GALNT13: variants seen among roughly 807,000 people sequenced by gnomAD.
GALNT13 encodes the protein polypeptide N-acetylgalactosaminyltransferase 13, also known as UDP-GalNAc:polypeptide N-acetylgalactosaminyltransferase 13.
A neutral mutation model predicts 64.2 loss-of-function variants in GALNT13; 28 were observed. The ratio of observed to expected loss-of-function variants is 0.44; its 90% confidence interval spans 0.32 to 0.60. The LOEUF (loss-of-function observed/expected upper bound fraction) is 0.60, where lower values mean the gene tolerates loss of function less well. Ranked by LOEUF, GALNT13 falls within the 20% of genes least tolerant of loss-of-function variation. GALNT13 has a pLI of 0.05. For missense variants in GALNT13, 577 were observed against 669.8 expected (o/e 0.86, Z 1.53); for synonymous variants, 214 against 224.6 (o/e 0.95, Z 0.42).
At chr2:153,984,168 T>C (rs866958323) in intron 3 of GALNT13, among the ~76,000 whole-genome samples, 1 of 151,850 alleles carries the variant, frequency 6.6e-6, no homozygotes, top group Admixed American at 6.6e-5. Flanking sequence ...TACAATAATA[T>C]AATCTGTTTT....
At chr2:153,834,362 A>T in the GALNT13 span, among the ~76,000 whole-genome samples, 4 of 152,180 alleles carry the variant, frequency 2.6e-5, no homozygotes, top group Non-Finnish European at 5.9e-5. Flanking sequence ...GCTCTTCTCT[A>T]AAATATGCCA....
At chr2:153,823,662 A>C in the GALNT13 span, among the ~76,000 whole-genome samples, 3 of 152,248 alleles carry the variant, frequency 2.0e-5, no homozygotes, top group African/African-American at 7.2e-5. Context: ...CCACTGTAAA[A>C]ACATTTTGAG....
At chr2:153,430,414 CAT>C in the GALNT13 span, among the ~76,000 whole-genome samples, 1 of 151,770 alleles carries the variant, frequency 6.6e-6, no homozygotes, top group Non-Finnish European at 1.5e-5. Flanking sequence ...TAACCCTTTA[CAT>C]ATGTGACTTA....
At chr2:153,473,653 T>C in the GALNT13 span, among the ~76,000 whole-genome samples, 1 of 152,222 alleles carries the variant, frequency 6.6e-6, no homozygotes, top group Admixed American at 6.5e-5. Context: ...TTCCACAGGC[T>C]TTCAAATTAG....
chr2:153,970,460 G>T lies in GALNT13; in HGVS notation c.142+25821G>T, dbSNP rs146754964. Among the ~76,000 whole-genome samples, 16 of 152,178 alleles carry T rather than the reference G, an allele frequency of 1.1e-4. No homozygotes were observed. The East Asian group carries it at 3.1e-3, about 29-fold the overall frequency. ...CACCTTACCTCCTAAAGTTGAGGTA[G>T]GCCAGGAAGCAGAATTAGATTTATC... On this transcript the variant is annotated intron_variant, in intron 3 of 12. Transcript: ENST00000392825.
the GALNT13 span, among the ~76,000 whole-genome samples, chr2:153,811,832 G>A: frequency 0.087 from 13,196 of 152,194 alleles, 753 homozygotes; most frequent in African/African-American, 0.16. Flanking sequence ...GGGAACAACA[G>A]TAAGTGTTCA....
the GALNT13 span, among the ~76,000 whole-genome samples, chr2:153,617,017 A>T: frequency 2.6e-5 from 4 of 152,014 alleles, no homozygotes; most frequent in African/African-American, 4.8e-5. Context: ...TTCAACAGCC[A>T]CTTTCAGCAT....
chr2:154,433,357 GAATCTCTAAGAA>G (rs930254721), intron 11 of GALNT13, among the ~76,000 whole-genome samples: 1 of 152,094 alleles, frequency 6.6e-6, no homozygotes, highest in African/African-American at 2.4e-5. Flanking sequence ...TCAGAGATGG[GAATCTCTAAGAA>G]AATCCAAATG....
At chr2:154,192,958 A>G (rs568263851) in intron 4 of GALNT13, among the ~76,000 whole-genome samples, 5 of 152,360 alleles carry the variant, frequency 3.3e-5, no homozygotes, top group South Asian at 2.1e-4. Context: ...TAAATTGGCT[A>G]TAAGTTCCAT....
the GALNT13 span, among the ~76,000 whole-genome samples, chr2:153,632,980 C>T: frequency 4.6e-5 from 7 of 152,038 alleles, no homozygotes; most frequent in South Asian, 2.1e-4. Flanking sequence ...AGGCTGGTCT[C>T]GAACTCCTGA....
the GALNT13 span, among the ~76,000 whole-genome samples, chr2:153,384,395 T>C: frequency 0.15 from 23,083 of 152,060 alleles, 1,994 homozygotes; most frequent in Middle Eastern, 0.28. Context: ...AGAAAGGGAC[T>C]ACCCTTAGAA....
chr2:153,839,595 T>C, the GALNT13 span, among the ~76,000 whole-genome samples: 27,089 of 151,776 alleles, frequency 0.18, 2,931 homozygotes, highest in Admixed American at 0.36. Flanking sequence ...AAGAAAAAAG[T>C]ATTAATTATG....
At chr2:154,279,214 G>C (rs997858395) in intron 8 of GALNT13, among the ~76,000 whole-genome samples, 2 of 152,094 alleles carry the variant, frequency 1.3e-5, no homozygotes, top group African/African-American at 4.8e-5. Flanking sequence ...CTGAGCCTCA[G>C]ATAAATTGTC....
At chr2:154,023,321 G>A (rs1015600281) in intron 3 of GALNT13, among the ~76,000 whole-genome samples, 4 of 152,160 alleles carry the variant, frequency 2.6e-5, no homozygotes, top group Admixed American at 1.3e-4. Flanking sequence ...TATTGTGTGG[G>A]AGTATAAGTC....
the GALNT13 span, among the ~76,000 whole-genome samples, chr2:153,347,493 C>T: frequency 1.3e-5 from 2 of 152,164 alleles, no homozygotes; most frequent in Non-Finnish European, 2.9e-5. Flanking sequence ...GGATCCTCTT[C>T]TGAGCTGTGC....
the GALNT13 span, among the ~76,000 whole-genome samples, chr2:153,367,299 T>C: frequency 5.9e-5 from 9 of 152,080 alleles, no homozygotes; most frequent in Admixed American, 3.9e-4. Flanking sequence ...ATTAGAAATA[T>C]ACCAATATGA....
chr2:153,218,501 T>C, the GALNT13 span, among the ~76,000 whole-genome samples: 1 of 152,188 alleles, frequency 6.6e-6, no homozygotes. Flanking sequence ...TTCCTTCCCA[T>C]CCCAAGGCTA....
At chr2:153,257,673 G>A in the GALNT13 span, among the ~76,000 whole-genome samples, 1 of 152,122 alleles carries the variant, frequency 6.6e-6, no homozygotes, top group African/African-American at 2.4e-5. Flanking sequence ...ATTGAGTAAA[G>A]TATACTGCTA....
chr2:153,201,901 C>A, the GALNT13 span, among the ~76,000 whole-genome samples: 1 of 152,000 alleles, frequency 6.6e-6, no homozygotes, highest in African/African-American at 2.4e-5. Context: ...GTCTCTATAC[C>A]CTTTCATGTC....
Sources: gnomAD v4.1 joint callset for allele counts (sites outside exome capture counted in the v4.1 genomes callset) on GRCh38, gnomAD v4.1.1 for gene constraint, MANE v1.5 for transcripts, NCBI Gene and HGNC (gene_info 2026-07-23, HGNC 2026-07-21) for gene names.